DPP6: variants seen among roughly 807,000 people sequenced by gnomAD.
DPP6 encodes dipeptidyl peptidase like 6, also known as A-type potassium channel modulatory protein DPP6.
DPP6 carries 69 observed loss-of-function variants against 122.6 expected under a neutral mutation model. The observed-to-expected ratio is 0.56, with a 90% CI of 0.46 to 0.69. The LOEUF (loss-of-function observed/expected upper bound fraction) is 0.69, where lower values mean the gene tolerates loss of function less well. Among genes scored for constraint, DPP6 ranks in the 30% least tolerant of loss-of-function variants. DPP6 has a pLI of 0.00. For synonymous variants in DPP6, 418 were observed against 433.1 expected (o/e 0.97, Z 0.43); for missense variants, 928 against 1,116.9 (o/e 0.83, Z 2.41).
In DPP6 at chr7:154,199,470, T is replaced by C. The variant is rs545609272; in HGVS notation, c.243+146407T>C. Reference sequence around the variant, plus strand: ...CTTAAGGGACTTTGGGCAAACTTAATTGGTAGCTGAGTTAGAAGTACACAT... The same window carrying C: ...CTTAAGGGACTTTGGGCAAACTTAACTGGTAGCTGAGTTAGAAGTACACAT... On this transcript the variant is annotated intron_variant, in intron 1 of 25. Transcript: ENST00000377770. Among the ~76,000 whole-genome samples the C allele has an allele frequency of 3.3e-4, 51 of 152,350 alleles. 1 individual carries two copies. The South Asian group carries it at 9.9e-3, about 30-fold the overall frequency.
At chr7:154,294,523 G>A (rs181295237) in intron 1 of DPP6, among the ~76,000 whole-genome samples, 24 of 152,134 alleles carry the variant, frequency 1.6e-4, no homozygotes, top group African/African-American at 5.8e-4. Flanking sequence ...TTTCTGCATG[G>A]GTCTGTTAGT....
At chr7:154,574,455 G>C (rs1244135430) in intron 5 of DPP6, among the ~76,000 whole-genome samples, 1 of 140,640 alleles carries the variant, frequency 7.1e-6, no homozygotes, top group African/African-American at 2.7e-5. Context: ...TGTGGTGTGT[G>C]TGTGGTACGT....
rs377119463 is a variant in DPP6 at position 154,777,642 on chromosome 7, T to TAGCC, written c.1136+4704_1136+4707dup. ...GCGTGTTGAGTTAAGATGCGGCAGA[T>TAGCC]AGCCAGCACGATCATTCTGAAGACA... On this transcript the variant is annotated intron_variant, in intron 10 of 25. Transcript: ENST00000377770. Among the ~76,000 whole-genome samples the TAGCC allele has an allele frequency of 4.8e-3, 736 of 152,318 alleles. 7 individuals carry two copies. The highest frequency in any genetic ancestry group is 0.017 in the African/African-American group (692 of 41,572).
At chr7:153,792,751 C>T in the DPP6 span, among the ~76,000 whole-genome samples, 4 of 150,646 alleles carry the variant, frequency 2.7e-5, no homozygotes, top group Non-Finnish European at 5.9e-5. Flanking sequence ...TGGCTGTGTC[C>T]CCACCCAAAT....
chr7:154,525,385 T>A (rs1018750520), intron 3 of DPP6, among the ~76,000 whole-genome samples: 1 of 152,206 alleles, frequency 6.6e-6, no homozygotes, highest in Non-Finnish European at 1.5e-5. Context: ...CTCAAACTCC[T>A]GGGCTCAAGC....
intron 1 of DPP6, among the ~76,000 whole-genome samples, chr7:153,984,929 G>C (rs1796768002): frequency 6.6e-6 from 1 of 152,174 alleles, no homozygotes; most frequent in African/African-American, 2.4e-5. Context: ...TTTGCACTAT[G>C]CATATTCAGT....
At chr7:153,807,542 G>A in the DPP6 span, among the ~76,000 whole-genome samples, 106,191 of 151,890 alleles carry the variant, frequency 0.7, 38,454 homozygotes, top group African/African-American at 0.89. Context: ...TGTCCAGGGT[G>A]AGTCCCCCAA....
chr7:154,360,601 G>T (rs1230900769), intron 1 of DPP6, among the ~76,000 whole-genome samples: 1 of 152,178 alleles, frequency 6.6e-6, no homozygotes, highest in Non-Finnish European at 1.5e-5. Context: ...ATGTTAGTTG[G>T]CTCAGCTCTA....
At chr7:154,195,210 A>G (rs1299253781) in intron 1 of DPP6, among the ~76,000 whole-genome samples, 1 of 152,202 alleles carries the variant, frequency 6.6e-6, no homozygotes, top group East Asian at 1.9e-4. Flanking sequence ...AGTCATTCCA[A>G]TACCATTTCT....
intron 1 of DPP6, among the ~76,000 whole-genome samples, chr7:153,919,849 A>T (rs1800549542): frequency 1.3e-5 from 2 of 152,216 alleles, no homozygotes; most frequent in Admixed American, 6.5e-5. Context: ...AGTGGGGTGG[A>T]TGTAATTGTA....
intron 6 of DPP6, among the ~76,000 whole-genome samples, chr7:154,654,450 G>A (rs113183157): frequency 0.31 from 15,159 of 48,374 alleles, 1,075 homozygotes; most frequent in South Asian, 0.41. Flanking sequence ...ACAGCGTCTC[G>A]CCCTATTGCC....
chr7:153,768,413 G>A, the DPP6 span, among the ~76,000 whole-genome samples: 864 of 149,082 alleles, frequency 5.8e-3, no homozygotes, highest in African/African-American at 0.021. Flanking sequence ...AAGATCACGA[G>A]GTTCCTTTGT....
chr7:154,172,567 A>G (rs1306705391), intron 1 of DPP6, among the ~76,000 whole-genome samples: 3 of 151,526 alleles, frequency 2.0e-5, no homozygotes, highest in Admixed American at 2.0e-4. Flanking sequence ...AAATTAGCAG[A>G]GGCAAATGCA....
At chr7:154,219,037 A>G (rs1353598030) in intron 1 of DPP6, among the ~76,000 whole-genome samples, 1 of 152,192 alleles carries the variant, frequency 6.6e-6, no homozygotes, top group Non-Finnish European at 1.5e-5. Context: ...TATTCTGCAG[A>G]TTTTGTACAC....
intron 18 of DPP6, among the ~76,000 whole-genome samples, chr7:154,871,026 G>A (rs1326632527): frequency 1.3e-5 from 2 of 150,584 alleles, no homozygotes; most frequent in African/African-American, 2.4e-5. Context: ...CCATTGCCCC[G>A]GCATGTCTCT....
chr7:153,830,886 G>A, the DPP6 span, among the ~76,000 whole-genome samples: 4 of 152,122 alleles, frequency 2.6e-5, no homozygotes, highest in African/African-American at 4.8e-5. Flanking sequence ...ATGAAATAAC[G>A]GATTGATTAG....
At chr7:154,159,502 C>T (rs1314242442) in intron 1 of DPP6, among the ~76,000 whole-genome samples, 4 of 152,250 alleles carry the variant, frequency 2.6e-5, no homozygotes, top group Non-Finnish European at 5.9e-5. Context: ...GTCTTTGATC[C>T]TGTCTGCTTT....
intron 5 of DPP6, among the ~76,000 whole-genome samples, chr7:154,622,481 A>G (rs1309964966): frequency 6.6e-6 from 1 of 152,230 alleles, no homozygotes; most frequent in East Asian, 1.9e-4. Context: ...CTGGTTGGAC[A>G]AGACCCACTG....
At position 153,994,080 on chromosome 7, in the gene DPP6, T is replaced by G. The variant is rs1321248178; in HGVS notation, c.51+106346T>G. On this transcript the variant is annotated intron_variant, in intron 1 of 25. Coordinates refer to the DPP6 transcript ENST00000404039. ...CTTATAGGTACATATTCTAACTCCTTTTATAAGTGAATTAAGTGACCTCTC... is the reference window on the plus strand; with the variant it reads ...CTTATAGGTACATATTCTAACTCCTGTTATAAGTGAATTAAGTGACCTCTC... Among the ~76,000 whole-genome samples the G allele has an allele frequency of 2.0e-5, 3 of 152,034 alleles. No homozygotes were observed. The South Asian group carries it at 6.2e-4, about 32-fold the overall frequency.
Sources: allele counts gnomAD v4.1 joint callset (sites outside exome capture counted in the v4.1 genomes callset), GRCh38; gene constraint gnomAD v4.1.1; transcripts MANE v1.5; gene names NCBI Gene and HGNC (gene_info 2026-07-23, HGNC 2026-07-21).